The following SIK3 variants were observed in gnomAD, a reference collection of about 807,000 sequenced individuals.
The protein encoded by SIK3 is serine/threonine-protein kinase SIK3.
In SIK3, 28 loss-of-function variants were observed where a neutral mutation model predicts 144.2. The observed-to-expected ratio is 0.19, with a 90% CI of 0.14 to 0.27. The LOEUF (loss-of-function observed/expected upper bound fraction) is 0.27, where lower values mean the gene tolerates loss of function less well. SIK3 is among the 10% of genes least tolerant of loss of function. The probability of loss-of-function intolerance (pLI) is 1.00; values close to 1 mark genes in which losing one functional copy is unlikely to be tolerated. For missense variants in SIK3, 1,319 were observed against 1,776.0 expected, an observed-to-expected ratio of 0.74 and a Z score of 4.62; for synonymous variants, 686 against 676.3, an observed-to-expected ratio of 1.01 and a Z score of -0.22.
chr11:117,074,696 G>A (rs1954427714), intron 1 of SIK3, among the ~76,000 whole-genome samples: 1 of 152,130 alleles, frequency 6.6e-6, no homozygotes, highest in African/African-American at 2.4e-5. Flanking sequence ...GCCCAGGCAG[G>A]AGGATTCCCT....
At chr11:116,941,408 T>TAAAAAAAAAAAAAA (rs11339061) in intron 3 of SIK3, among the ~76,000 whole-genome samples, 6 of 142,740 alleles carry the variant, frequency 4.2e-5, no homozygotes, top group Non-Finnish European at 4.6e-5. Context: ...TAAAAACATG[T>TAAAAAAAAAAAAAA]AAAAAAAAAA....
chr11:116,915,213 A>G (rs952036723), intron 4 of SIK3, among the ~76,000 whole-genome samples: 1 of 148,544 alleles, frequency 6.7e-6, no homozygotes, highest in Non-Finnish European at 1.5e-5. Flanking sequence ...TGGGATAGAG[A>G]TGGGGTCTTA....
chr11:116,894,338 T>C (rs1945284239), intron 6 of SIK3, among the ~76,000 whole-genome samples: 2 of 152,122 alleles, frequency 1.3e-5, no homozygotes, highest in Admixed American at 1.3e-4. Context: ...CAAACATACA[T>C]CCCCAACCCA....
chr11:116,983,980 G>A (rs377717678), intron 1 of SIK3, among the ~76,000 whole-genome samples: 3 of 150,912 alleles, frequency 2.0e-5, no homozygotes, highest in Admixed American at 6.6e-5. Context: ...GAGTCCAGGC[G>A]GCTGGGGCTG....
chr11:117,016,297 G>A (rs1951519702), intron 1 of SIK3, among the ~76,000 whole-genome samples: 1 of 146,118 alleles, frequency 6.8e-6, no homozygotes, highest in African/African-American at 2.6e-5. Flanking sequence ...CTGCACTCTA[G>A]CCTGGGCGAC....
At chr11:117,081,197 T>A (rs1164016553) in intron 1 of SIK3, among the ~76,000 whole-genome samples, 1 of 152,288 alleles carries the variant, frequency 6.6e-6, no homozygotes, top group African/African-American at 2.4e-5. Context: ...AAAATCTGGT[T>A]ATAAATAGTT....
At chr11:117,092,920 G>A (rs1467352105) in intron 1 of SIK3, among the ~76,000 whole-genome samples, 1 of 152,170 alleles carries the variant, frequency 6.6e-6, no homozygotes, top group Non-Finnish European at 1.5e-5. Flanking sequence ...TTTCTAGGGA[G>A]CTGGCACCAA....
chr11:117,091,628 T>C (rs1381199637), intron 1 of SIK3, among the ~76,000 whole-genome samples: 1 of 152,202 alleles, frequency 6.6e-6, no homozygotes, highest in Admixed American at 6.5e-5. Context: ...TGTTAGTTGA[T>C]CATGCTTAAT....
At chr11:116,948,844 T>C (rs918440612) in intron 3 of SIK3, among the ~76,000 whole-genome samples, 6 of 150,292 alleles carry the variant, frequency 4.0e-5, no homozygotes, top group Admixed American at 4.0e-4. Context: ...AAACTAAAAC[T>C]GAAGCAAGCA....
chr11:116,849,352 GA>G lies in SIK3; in HGVS notation c.3656-70del. 6.3e-7 allele frequency: 1 copy of G among 1,586,696 alleles called. No homozygotes were observed. ...CCCAGCACTGGAAACTCCCATCCAA[GA>G]AATGTCTTGCAAGGGACAATGGGCA... On this transcript the variant is annotated intron_variant, in intron 21 of 24. Coordinates refer to ENST00000445177, the MANE Select transcript of SIK3 (RefSeq NM_001366686.3). The surrounding 1 kb of genome is among the most constrained non-coding windows in gnomAD (Gnocchi z 4.2).
intron 1 of SIK3, among the ~76,000 whole-genome samples, chr11:116,970,922 C>T (rs746380455): frequency 1.3e-5 from 2 of 152,206 alleles, no homozygotes; most frequent in Admixed American, 1.3e-4. Context: ...ACTGGGGTTA[C>T]AGGCATGAGT....
At chr11:117,014,373 C>T (rs964742589) in intron 1 of SIK3, among the ~76,000 whole-genome samples, 12 of 151,814 alleles carry the variant, frequency 7.9e-5, no homozygotes, top group Admixed American at 5.9e-4. Context: ...ATGTGAAAGG[C>T]AAAGCAATAA....
chr11:117,093,827 C>T (rs1021843272), intron 1 of SIK3, among the ~76,000 whole-genome samples: 3 of 152,008 alleles, frequency 2.0e-5, no homozygotes, highest in African/African-American at 4.8e-5. Flanking sequence ...GAAAGTCTAT[C>T]GTCAGGATGG....
chr11:116,896,389 CAG>C lies in SIK3; in HGVS notation c.742-15_742-14del. Reference sequence around the variant, plus strand: ...CAACTCCAAGGCTCTGCATCCCAAACAGAGAGGATGTACAATTAATCACATCA... The same window carrying C: ...CAACTCCAAGGCTCTGCATCCCAAACAGAGGATGTACAATTAATCACATCA... On this transcript the variant is annotated splice_polypyrimidine_tract_variant and intron_variant, in intron 5 of 24. Transcript: ENST00000445177. The C allele has an allele frequency of 1.9e-6, 3 of 1,612,430 alleles. No homozygotes were observed. Among genetic ancestry groups the C allele is most frequent in the Non-Finnish European group, 2.5e-6 (3 of 1,178,770 alleles).
intron 1 of SIK3, among the ~76,000 whole-genome samples, chr11:117,022,085 G>C (rs188519687): frequency 4.0e-4 from 61 of 151,874 alleles, no homozygotes; most frequent in Non-Finnish European, 7.4e-4. Flanking sequence ...TTAGTTTTAA[G>C]TAAATCCTAC....
At chr11:116,997,676 T>A (rs1950715755) in intron 1 of SIK3, among the ~76,000 whole-genome samples, 1 of 152,214 alleles carries the variant, frequency 6.6e-6, no homozygotes, top group African/African-American at 2.4e-5. Flanking sequence ...AAAAGTGAGA[T>A]ATCAGTATAC....
chr11:116,920,048 G>C (rs1044949890), intron 4 of SIK3, among the ~76,000 whole-genome samples: 2 of 151,518 alleles, frequency 1.3e-5, no homozygotes, highest in African/African-American at 4.9e-5. Flanking sequence ...GATTAATTAA[G>C]CCTTATATCT....
At chr11:116,924,907 C>G (rs1226751564) in intron 4 of SIK3, among the ~76,000 whole-genome samples, 5 of 152,098 alleles carry the variant, frequency 3.3e-5, no homozygotes, top group Non-Finnish European at 7.3e-5. Flanking sequence ...TAATGGCCCC[C>G]AAATACATCT....
At chr11:116,977,431 G>C (rs1949986991) in intron 1 of SIK3, among the ~76,000 whole-genome samples, 1 of 152,124 alleles carries the variant, frequency 6.6e-6, no homozygotes, top group African/African-American at 2.4e-5. Flanking sequence ...GATACAGGAA[G>C]TTCTGGCCCT....
Sources: allele counts gnomAD v4.1 joint callset (sites outside exome capture counted in the v4.1 genomes callset), GRCh38; gene constraint gnomAD v4.1.1; non-coding constraint Gnocchi (gnomAD v3.1); transcripts MANE v1.5; gene names NCBI Gene and HGNC (gene_info 2026-07-23, HGNC 2026-07-21).